RAB3C: variants seen among roughly 807,000 people sequenced by gnomAD.
RAB3C encodes ras-related protein Rab-3C.
RAB3C carries 17 observed loss-of-function variants against 26.4 expected under a neutral mutation model. The observed-to-expected ratio is 0.64, with a 90% CI of 0.44 to 0.97. The LOEUF is 0.97. Ranked by LOEUF, RAB3C falls within the 50% of genes least tolerant of loss-of-function variation. The pLI, the probability that RAB3C is intolerant of heterozygous loss-of-function variation, is 0.00. For missense variants in RAB3C, 242 were observed against 281.9 expected (o/e 0.86, Z 1.01); for synonymous variants, 91 against 95.9 (o/e 0.95, Z 0.30).
intron 1 of RAB3C, among the ~76,000 whole-genome samples, chr5:58,593,547 A>G (rs113446002): frequency 0.018 from 2,716 of 152,210 alleles, 78 homozygotes; most frequent in African/African-American, 0.063. Context: ...GTACTTTTTT[A>G]TGTGTTTTTC....
chr5:58,582,994 C>A, upstream of RAB3C: 1 of 1,334,992 alleles, frequency 7.5e-7, no homozygotes, highest in Non-Finnish European at 9.8e-7. Context: ...CGGGAACACC[C>A]GGAGGGCGAG....
intron 4 of RAB3C, among the ~76,000 whole-genome samples, chr5:58,829,743 T>C (rs997155925): frequency 9.2e-5 from 14 of 152,328 alleles, no homozygotes; most frequent in African/African-American, 3.4e-4. Flanking sequence ...AACATACGTA[T>C]TACCAAATTC....
chr5:58,615,829 A>G (rs1021198085), intron 1 of RAB3C, among the ~76,000 whole-genome samples: 1 of 152,174 alleles, frequency 6.6e-6, no homozygotes, highest in Non-Finnish European at 1.5e-5. Context: ...AACTTTCATG[A>G]AATACCCACG....
intron 3 of RAB3C, among the ~76,000 whole-genome samples, chr5:58,789,894 T>A (rs771614007): frequency 5.3e-5 from 8 of 152,220 alleles, no homozygotes; most frequent in Non-Finnish European, 1.2e-4. Flanking sequence ...TCTATGTTGG[T>A]TGCACATTTT....
Position 58,719,050 on chromosome 5 carries a change from G to A in RAB3C, c.253-6952G>A, listed in dbSNP as rs78179237. 9.4e-3 allele frequency among the ~76,000 whole-genome samples: 1,433 copies of A among 152,094 alleles called. 11 individuals are homozygous for A. Among genetic ancestry groups the A allele is most frequent in the Non-Finnish European group, 0.014 (966 of 67,952 alleles). On this transcript the variant is annotated intron_variant, in intron 2 of 4. Transcript: ENST00000282878. The stretch of plus-strand genomic sequence containing the variant: ...ACAAACAACATGGTGTGTAATAATT[G>A]AAATTCTGTTGTTTCTGTTGTTTGG...
intron 3 of RAB3C, among the ~76,000 whole-genome samples, chr5:58,771,086 C>T (rs970521973): frequency 3.3e-5 from 5 of 152,058 alleles, no homozygotes; most frequent in Admixed American, 1.3e-4. Flanking sequence ...AGAGGCCAAA[C>T]GCCCAACTTT....
At chr5:58,622,688 C>T (rs1044118537) in intron 2 of RAB3C, among the ~76,000 whole-genome samples, 3 of 152,166 alleles carry the variant, frequency 2.0e-5, no homozygotes, top group Admixed American at 1.3e-4. Flanking sequence ...AGTGCTGACC[C>T]ATAAAATAAG....
At chr5:58,833,817 C>T (rs1176687936) in intron 4 of RAB3C, among the ~76,000 whole-genome samples, 1 of 152,076 alleles carries the variant, frequency 6.6e-6, no homozygotes, top group Non-Finnish European at 1.5e-5. Context: ...CAGTAAATTA[C>T]TATTTAAATG....
At chr5:58,718,841 T>A (rs1029091578) in intron 2 of RAB3C, among the ~76,000 whole-genome samples, 2 of 152,024 alleles carry the variant, frequency 1.3e-5, no homozygotes, top group African/African-American at 4.8e-5. Flanking sequence ...AAATTTTATT[T>A]TAATGGAGGA....
At chr5:58,712,795 GAT>G (rs1218112058) in intron 2 of RAB3C, among the ~76,000 whole-genome samples, 1 of 152,186 alleles carries the variant, frequency 6.6e-6, no homozygotes, top group Non-Finnish European at 1.5e-5. Context: ...AAAGTGCTGG[GAT>G]TATAGGCATA....
At chr5:58,697,649 G>C (rs1278058287) in intron 2 of RAB3C, among the ~76,000 whole-genome samples, 3 of 152,196 alleles carry the variant, frequency 2.0e-5, no homozygotes, top group Non-Finnish European at 4.4e-5. Flanking sequence ...AGCTCTTCTT[G>C]TTGAATTGAT....
chr5:58,737,575 C>T (rs1234120364), intron 3 of RAB3C, among the ~76,000 whole-genome samples: 1 of 151,496 alleles, frequency 6.6e-6, no homozygotes, highest in African/African-American at 2.4e-5. Flanking sequence ...CTGGCATGTA[C>T]TAGGTATTCC....
At chr5:58,683,007 T>C (rs1748378598) in intron 2 of RAB3C, among the ~76,000 whole-genome samples, 2 of 152,346 alleles carry the variant, frequency 1.3e-5, no homozygotes, top group South Asian at 4.1e-4. Context: ...CTGAAGTGTA[T>C]ATTTTTTCTC....
chr5:58,851,085 T>C (rs1266348960), intron 4 of RAB3C, 79 bp from the exon 5 acceptor site: 1 of 1,381,248 alleles, frequency 7.2e-7, no homozygotes, highest in African/African-American at 1.4e-5. Flanking sequence ...ACCTCATCAC[T>C]ATTGAAAGCC....
intron 3 of RAB3C, among the ~76,000 whole-genome samples, chr5:58,806,126 T>C (rs539318940): frequency 2.0e-5 from 3 of 152,166 alleles, no homozygotes; most frequent in Non-Finnish European, 4.4e-5. Context: ...GGTGCTGACA[T>C]TGAAACCAGA....
At chr5:58,845,612 A>ATATATATATATATGTGTG in intron 4 of RAB3C, among the ~76,000 whole-genome samples, 3 of 81,720 alleles carry the variant, frequency 3.7e-5, no homozygotes, top group Admixed American at 1.2e-4. Flanking sequence ...ATATATATAT[A>ATATATATATATATGTGTG]TGTGTGTGTG....
chr5:58,716,146 CAAGT>C (rs1749169009), intron 2 of RAB3C, among the ~76,000 whole-genome samples: 1 of 148,618 alleles, frequency 6.7e-6, no homozygotes, highest in Non-Finnish European at 1.5e-5. Flanking sequence ...TTAGAATAGA[CAAGT>C]AAGATGAGAA....
At chr5:58,664,862 A>G (rs111319517) in intron 2 of RAB3C, among the ~76,000 whole-genome samples, 242 of 152,018 alleles carry the variant, frequency 1.6e-3, no homozygotes, top group Middle Eastern at 6.8e-3. Flanking sequence ...CTCATTTCCT[A>G]CTATTCTCCC....
intron 3 of RAB3C, among the ~76,000 whole-genome samples, chr5:58,749,049 C>G (rs941114957): frequency 2.0e-5 from 3 of 152,000 alleles, no homozygotes; most frequent in Admixed American, 6.6e-5. Flanking sequence ...GAAAAGAGAG[C>G]CTCCCCCAAT....
Sources: gnomAD v4.1 joint callset for allele counts (sites outside exome capture counted in the v4.1 genomes callset) on GRCh38, gnomAD v4.1.1 for gene constraint, MANE v1.5 for transcripts, NCBI Gene and HGNC (gene_info 2026-07-23, HGNC 2026-07-21) for gene names.